SGO1: variants seen among roughly 807,000 people sequenced by gnomAD.
SGO1 encodes serologically defined breast cancer antigen NY-BR-85.
Under a neutral mutation model 50.5 loss-of-function variants are expected in SGO1, and 39 were observed. That is an observed-to-expected ratio of 0.77 (90% CI 0.60 to 1.01). The LOEUF is 1.01. SGO1 is among the 50% of genes least tolerant of loss of function. The probability of loss-of-function intolerance (pLI) is 0.00; values close to 1 mark genes in which losing one functional copy is unlikely to be tolerated. For synonymous variants in SGO1, 191 were observed against 205.1 expected (o/e 0.93, Z 0.59); for missense variants, 638 against 606.0 (o/e 1.05, Z -0.55).
At position 20,171,145 on chromosome 3, in the gene SGO1, C is replaced by G; in HGVS notation, c.1370G>C (p.Arg457Thr). 6.2e-7 allele frequency: 1 copy of G among 1,613,018 alleles called. No homozygotes were observed. Among genetic ancestry groups the G allele is most frequent in the Admixed American group, 1.7e-5 (1 of 59,844 alleles). Reference protein sequence around the residue: ...VSLYPVVKIRRLSLSPKKNKA... With the variant: ...VSLYPVVKIRTLSLSPKKNKA... ...ATTCTTTTTTGGAGAAAGAGAAAGT[C>G]TTCTGATTTTCACAACAGGATACAA... The change falls in exon 7 of 8, where the codon AGA (arginine) becomes ACA (threonine). Residue 457 changes from arginine to threonine, a missense_variant. Transcript: ENST00000412997.
At position 20,169,520 on chromosome 3, in the gene SGO1, T is replaced by TAA. The variant is rs749815584; in HGVS notation, c.*1182_*1183dup. The TAA allele has an allele frequency of 1.0e-6, 1 of 981,210 alleles. No individual in the cohort carries two copies. Among genetic ancestry groups the TAA allele is most frequent in the Non-Finnish European group, 1.2e-6 (1 of 826,080 alleles). The allele number at this position is 981,210 out of a possible 1,614,324, so 60.8% of individuals were successfully genotyped here. On this transcript the variant is annotated 3_prime_UTR_variant, in exon 8 of 8. Transcript: ENST00000412997. ...AACTTTATTGCTCTTTAAAAATGAA[T>TAA]AACCTACAAAGTTCTAAAATTTAAA...
chr3:20,182,723 G>C (rs1702161555), intron 3 of SGO1, among the ~76,000 whole-genome samples: 1 of 152,034 alleles, frequency 6.6e-6, no homozygotes, highest in South Asian at 2.1e-4. Context: ...AAGAGAATCA[G>C]ATTAAAAATT....
chr3:20,162,995 T>C (rs1244927956), intron 8 of SGO1, among the ~76,000 whole-genome samples: 1 of 152,034 alleles, frequency 6.6e-6, no homozygotes, highest in Non-Finnish European at 1.5e-5. Flanking sequence ...ATAGAGTGCT[T>C]AAAGGAAAAC....
At chr3:20,168,994 TC>T (rs1345366501), downstream of SGO1, 1 of 984,888 alleles carries the variant, frequency 1.0e-6, no homozygotes, top group African/African-American at 1.8e-5. Context: ...CTCTAGTGTT[TC>T]CATGAAATTA....
At position 20,170,449 on chromosome 3, in the gene SGO1, A is replaced by G; in HGVS notation, c.*255T>C. ...ACTAAAATTAAGAGGTTTAGGCAGC[A>G]TAAGAAATCGATATGATGATAATGC... On this transcript the variant is annotated 3_prime_UTR_variant, in exon 8 of 8. Coordinates refer to ENST00000412997, the MANE Select transcript of SGO1 (RefSeq NM_001199251.3). The G allele has an allele frequency of 1.9e-6, 2 of 1,049,722 alleles. No homozygotes were observed. Among genetic ancestry groups the G allele is most frequent in the Non-Finnish European group, 2.3e-6 (2 of 872,672 alleles). The allele number at this position is 1,049,722 out of a possible 1,614,324, so 65.0% of individuals were successfully genotyped here. A position where few individuals can be genotyped will look rare whatever the true frequency, so the allele number is the denominator to read the frequency against.
upstream of SGO1, among the ~76,000 whole-genome samples, chr3:20,186,867 C>T (rs1354718892): frequency 6.6e-6 from 1 of 152,080 alleles, no homozygotes. Context: ...CTCTGCTTTC[C>T]AAGTTTCTCT....
chr3:20,171,796 CCT>C (rs1237081764), intron 6 of SGO1, among the ~76,000 whole-genome samples: 1 of 152,164 alleles, frequency 6.6e-6, no homozygotes, highest in African/African-American at 2.4e-5. Flanking sequence ...TAAATAACAG[CCT>C]CTGTGTACAC....
At chr3:20,177,157 C>T (rs1279261417) in intron 4 of SGO1, 3 of 152,264 alleles carry the variant, frequency 2.0e-5, no homozygotes, top group Admixed American at 2.0e-4. Flanking sequence ...GTTCTTTATA[C>T]TCTAACACTA....
At chr3:20,162,743 TAA>T (rs1483867684) in intron 8 of SGO1, among the ~76,000 whole-genome samples, 1 of 149,142 alleles carries the variant, frequency 6.7e-6, no homozygotes, top group African/African-American at 2.5e-5. Flanking sequence ...ATGAACACAA[TAA>T]AGAGACAAAT....
At chr3:20,184,825 A>G (rs1276589900) in intron 1 of SGO1, among the ~76,000 whole-genome samples, 1 of 128,720 alleles carries the variant, frequency 7.8e-6, no homozygotes, top group Non-Finnish European at 1.5e-5. Flanking sequence ...TAATCTTTCA[A>G]CGTTGCAAAT....
intron 6 of SGO1, among the ~76,000 whole-genome samples, chr3:20,172,943 G>A (rs961551860): frequency 6.6e-6 from 1 of 152,070 alleles, no homozygotes; most frequent in Non-Finnish European, 1.5e-5. Context: ...TCCAGCCGAG[G>A]TGATAGAGCA....
rs1198701960 is a variant in SGO1 at position 20,174,235 on chromosome 3, A to C, written c.1282+14T>G. On this transcript the variant is annotated intron_variant, in intron 6 of 7. Transcript: ENST00000412997. ...CGAACATTAAAAATACAGGTAAACA[A>C]GTAGATCACTTACTGGTAGGAGTTT... 1.3e-6 allele frequency: 2 copies of C among 1,586,896 alleles called. No homozygotes were observed. Among genetic ancestry groups the C allele is most frequent in the African/African-American group, 2.7e-5 (2 of 74,218 alleles).
rs1486599911 is a variant in SGO1, at chr3:20,174,987, C to T, written c.544G>A (p.Asp182Asn). The change falls in exon 6 of 8, where the codon GAT becomes AAT. Residue 182 changes from aspartate to asparagine, a missense_variant. Coordinates refer to ENST00000412997, the MANE Select transcript of SGO1 (RefSeq NM_001199251.3). ...GATACAGTTCTAGGTAAGACATTAT[C>T]AGTAGACTTAGCTTCACCTGAATCA... ...DFDSGEAKST[D>N]NVLPRTVSVR... The T allele has an allele frequency of 2.5e-6, 4 of 1,607,434 alleles. No homozygotes were observed. The Admixed American group carries it at 6.8e-5, about 27-fold the overall frequency.
chr3:20,169,604 G>A lies in SGO1; in HGVS notation c.*1100C>T. 1 of 985,204 alleles carries A rather than the reference G, an allele frequency of 1.0e-6. No individual in the cohort carries two copies. The highest frequency in any genetic ancestry group is 1.2e-6 in the Non-Finnish European group (1 of 829,780). The allele number at this position is 985,204 out of a possible 1,614,324, so 61.0% of individuals were successfully genotyped here. ...AAACTGAACTAATTCGCTTTCATTG[G>A]TTGGTCAAAAATATGCAAAAACCCT... On this transcript the variant is annotated 3_prime_UTR_variant, in exon 8 of 8. Transcript: ENST00000412997.
intron 3 of SGO1, 149 bp downstream of exon 3, chr3:20,183,459 A>G (rs139109573): frequency 0.014 from 8,977 of 630,428 alleles, 97 homozygotes; most frequent in Non-Finnish European, 0.02. Flanking sequence ...GCCAAATGCA[A>G]TAGCTATGCT....
At position 20,174,696 on chromosome 3, in the gene SGO1, G is replaced by C. The variant is rs1252655818; in HGVS notation, c.835C>G (p.Gln279Glu). The C allele has an allele frequency of 4.3e-6, 7 of 1,612,814 alleles. No individual in the cohort carries two copies. In the Admixed American group the frequency reaches 8.3e-5, roughly 19 times the overall value. ...GTATCTCTTTGCTTACTTTTAGTTT[G>C]TTCAGATTTAGATTCTAAAATGTCT... is the stretch of plus-strand genomic sequence containing the variant. ...KEDILESKSE[Q>E]TKSKQRDTQE... The change falls in exon 6 of 8, where the codon CAA (glutamine) becomes GAA (glutamate). Residue 279 changes from glutamine to glutamate, a missense_variant. Transcript: ENST00000412997.
At chr3:20,175,631 C>CA (rs1701295186) in intron 5 of SGO1, among the ~76,000 whole-genome samples, 1 of 81,682 alleles carries the variant, frequency 1.2e-5, no homozygotes, top group South Asian at 4.3e-4. Flanking sequence ...CCCGTCTCTA[C>CA]TAAAAAAAAT....
At chr3:20,161,434 G>GT (rs1227877154) in intron 8 of SGO1, among the ~76,000 whole-genome samples, 1 of 152,156 alleles carries the variant, frequency 6.6e-6, no homozygotes, top group Non-Finnish European at 1.5e-5. Context: ...AAAACATTAA[G>GT]TGACAGGTTA....
chr3:20,175,123 A>G, intron 5 of SGO1, 68 bp from the exon 6 acceptor site: 1 of 1,342,326 alleles, frequency 7.4e-7, no homozygotes, highest in Non-Finnish European at 9.7e-7. Flanking sequence ...CAAGAACTTT[A>G]GAATTCAAAC....
Sources: gnomAD v4.1 joint callset for allele counts (sites outside exome capture counted in the v4.1 genomes callset) on GRCh38, gnomAD v4.1.1 for gene constraint, MANE v1.5 for transcripts, NCBI Gene and HGNC (gene_info 2026-07-23, HGNC 2026-07-21) for gene names.